Variants in CTNNA2 observed in about 807,000 individuals in gnomAD.
CTNNA2 encodes the protein catenin alpha-2.
In CTNNA2, 42 loss-of-function variants were observed where a neutral mutation model predicts 101.0. That is an observed-to-expected ratio of 0.42 (90% CI 0.32 to 0.54). The LOEUF (loss-of-function observed/expected upper bound fraction) is 0.54, where lower values mean the gene tolerates loss of function less well. Ranked by LOEUF, CTNNA2 falls within the 20% of genes least tolerant of loss-of-function variation. CTNNA2 has a pLI of 0.14. For missense variants in CTNNA2, 871 were observed against 1,223.1 expected (o/e 0.71, Z 4.29); for synonymous variants, 450 against 456.4 (o/e 0.99, Z 0.18).
intron 3 of CTNNA2, among the ~76,000 whole-genome samples, chr2:79,818,774 G>A (rs572143847): frequency 7.1e-6 from 1 of 140,264 alleles, no homozygotes; most frequent in Non-Finnish European, 1.5e-5. Context: ...TTTGTTTACA[G>A]TTTTGCTGCA....
intron 2 of CTNNA2, among the ~76,000 whole-genome samples, chr2:79,721,069 T>TA (rs36068084): frequency 2.2e-4 from 33 of 148,096 alleles, no homozygotes; most frequent in African/African-American, 8.4e-4. Flanking sequence ...TTTTTTTTTT[T>TA]AAATCACATC....
At chr2:79,501,307 T>C (rs1671317284) in intron 4 of CTNNA2, among the ~76,000 whole-genome samples, 1 of 152,138 alleles carries the variant, frequency 6.6e-6, no homozygotes, top group Non-Finnish European at 1.5e-5. Flanking sequence ...AGATATGGAG[T>C]CTTGCCCTAT....
chr2:80,107,172 AC>A (rs1354035800), intron 7 of CTNNA2, among the ~76,000 whole-genome samples: 2 of 152,064 alleles, frequency 1.3e-5, no homozygotes, highest in Non-Finnish European at 2.9e-5. Flanking sequence ...CAAAGTGAGA[AC>A]TTCTATCCCT....
intron 7 of CTNNA2, among the ~76,000 whole-genome samples, chr2:79,930,260 AAGAAAGAAAGAAAGAAAGAGAGAG>A (rs1172315368): frequency 3.1e-4 from 14 of 44,708 alleles, no homozygotes; most frequent in South Asian, 7.9e-4. Context: ...GAAAGAAAGA[AAGAAAGAAAGAAAGAAAGAGAGAG>A]AGAGAGAAAG....
At chr2:79,401,579 G>A (rs952384196) in intron 4 of CTNNA2, among the ~76,000 whole-genome samples, 3 of 151,010 alleles carry the variant, frequency 2.0e-5, no homozygotes, top group Non-Finnish European at 4.4e-5. Flanking sequence ...TAAACCCTAG[G>A]GAAATCACTA....
At chr2:80,135,743 G>C (rs1027402655) in intron 7 of CTNNA2, among the ~76,000 whole-genome samples, 7 of 152,122 alleles carry the variant, frequency 4.6e-5, no homozygotes, top group Non-Finnish European at 1.0e-4. Flanking sequence ...TCCAGAAACT[G>C]CATTGGGAGA....
At chr2:79,479,112 T>C (rs182092435) in intron 4 of CTNNA2, among the ~76,000 whole-genome samples, 2 of 152,366 alleles carry the variant, frequency 1.3e-5, no homozygotes, top group Non-Finnish European at 2.9e-5. Flanking sequence ...TCTAGTCATA[T>C]TTTATTGATG....
At chr2:79,925,440 T>A (rs1686959242) in intron 7 of CTNNA2, among the ~76,000 whole-genome samples, 1 of 152,134 alleles carries the variant, frequency 6.6e-6, no homozygotes, top group South Asian at 2.1e-4. Flanking sequence ...GTTCTTGTGA[T>A]ATATTCCTAA....
chr2:79,606,444 A>G (rs1677898656), intron 1 of CTNNA2, among the ~76,000 whole-genome samples: 1 of 151,864 alleles, frequency 6.6e-6, no homozygotes, highest in Admixed American at 6.6e-5. Context: ...ATTTTTTTGT[A>G]TTTTTGGTAG....
intron 2 of CTNNA2, among the ~76,000 whole-genome samples, chr2:79,712,516 T>C (rs1054993852): frequency 2.6e-5 from 4 of 152,140 alleles, no homozygotes; most frequent in African/African-American, 9.7e-5. Flanking sequence ...ATTATCTAAT[T>C]GCGAAGGAAA....
At chr2:79,799,912 TAATG>T (rs1676026283) in intron 3 of CTNNA2, among the ~76,000 whole-genome samples, 1 of 152,208 alleles carries the variant, frequency 6.6e-6, no homozygotes, top group Non-Finnish European at 1.5e-5. Flanking sequence ...ATTGGCATAA[TAATG>T]ACCATTTTGC....
chr2:80,232,593 A>T (rs766731344), intron 7 of CTNNA2, among the ~76,000 whole-genome samples: 3 of 151,678 alleles, frequency 2.0e-5, no homozygotes, highest in Admixed American at 6.6e-5. Flanking sequence ...TGTTGGATGG[A>T]TTGCAAGCTT....
chr2:79,658,318 C>T (rs977041848), intron 2 of CTNNA2, among the ~76,000 whole-genome samples: 1 of 151,906 alleles, frequency 6.6e-6, no homozygotes, highest in Non-Finnish European at 1.5e-5. Context: ...ATTTCTACAT[C>T]ATAACAGTAT....
intron 1 of CTNNA2, among the ~76,000 whole-genome samples, chr2:79,578,139 T>G (rs2103877041): frequency 6.6e-6 from 1 of 152,326 alleles, no homozygotes; most frequent in Admixed American, 6.5e-5. Flanking sequence ...TAGCAACATC[T>G]AACTGGCTCT....
At chr2:79,945,139 T>G (rs994451469) in intron 7 of CTNNA2, among the ~76,000 whole-genome samples, 2 of 152,030 alleles carry the variant, frequency 1.3e-5, no homozygotes, top group Non-Finnish European at 2.9e-5. Flanking sequence ...ACCTGCTGGG[T>G]TCAAGCAGTC....
chr2:80,568,967 A>G (rs1694313594), intron 12 of CTNNA2, among the ~76,000 whole-genome samples: 1 of 152,156 alleles, frequency 6.6e-6, no homozygotes, highest in Admixed American at 6.5e-5. Flanking sequence ...AGTATAGGGA[A>G]TCATTGGAAT....
intron 4 of CTNNA2, among the ~76,000 whole-genome samples, chr2:79,420,005 C>T (rs1033168853): frequency 3.3e-5 from 5 of 152,128 alleles, no homozygotes; most frequent in African/African-American, 9.7e-5. Context: ...TCTTCACACT[C>T]TTGGATGCTC....
At chr2:80,336,174 C>G (rs975697611) in intron 7 of CTNNA2, among the ~76,000 whole-genome samples, 2 of 152,134 alleles carry the variant, frequency 1.3e-5, no homozygotes, top group African/African-American at 4.8e-5. Flanking sequence ...AAGATTAGGG[C>G]TCCAGCATAT....
chr2:80,188,468 A>T (rs1706270778), intron 7 of CTNNA2, among the ~76,000 whole-genome samples: 1 of 152,174 alleles, frequency 6.6e-6, no homozygotes, highest in African/African-American at 2.4e-5. Context: ...GGCTTGAAAC[A>T]ACAAAAATTT....
Sources: gnomAD v4.1 joint callset for allele counts (sites outside exome capture counted in the v4.1 genomes callset) on GRCh38, gnomAD v4.1.1 for gene constraint, MANE v1.5 for transcripts, NCBI Gene and HGNC (gene_info 2026-07-23, HGNC 2026-07-21) for gene names.